CARMIL1: variants seen among roughly 807,000 people sequenced by gnomAD.
CARMIL1 encodes capping protein regulator and myosin 1 linker 1, also known as F-actin-uncapping protein LRRC16A.
In CARMIL1, 90 loss-of-function variants were observed where a neutral mutation model predicts 177.1. The ratio of observed to expected loss-of-function variants is 0.51; its 90% CI spans 0.43 to 0.61. CARMIL1 has a LOEUF of 0.61. Ranked by LOEUF, CARMIL1 falls within the 20% of genes least tolerant of loss-of-function variation. CARMIL1 has a pLI of 0.00. For missense variants in CARMIL1, 1,380 were observed against 1,667.0 expected (o/e 0.83, Z 3.00); for synonymous variants, 577 against 606.2 (o/e 0.95, Z 0.71).
chr6:25,476,819 G>A (rs1036832644), intron 11 of CARMIL1, among the ~76,000 whole-genome samples: 1 of 152,174 alleles, frequency 6.6e-6, no homozygotes. Flanking sequence ...GCCTGGGCGC[G>A]GTGGCTCACG....
intron 2 of CARMIL1, among the ~76,000 whole-genome samples, chr6:25,315,128 C>A (rs1373228191): frequency 6.6e-6 from 1 of 150,606 alleles, no homozygotes; most frequent in Non-Finnish European, 1.5e-5. Context: ...TGAAGGCAGT[C>A]TTTAGGTGTC....
chr6:25,446,785 A>G (rs1798277884), intron 5 of CARMIL1, among the ~76,000 whole-genome samples: 1 of 152,132 alleles, frequency 6.6e-6, no homozygotes, highest in Non-Finnish European at 1.5e-5. Flanking sequence ...AAAATGAGAG[A>G]TGTGCGACTA....
chr6:25,309,829 G>T (rs1451510766), intron 2 of CARMIL1, among the ~76,000 whole-genome samples: 2 of 148,182 alleles, frequency 1.3e-5, no homozygotes, highest in Non-Finnish European at 3.0e-5. Context: ...GAATGCAATG[G>T]CACGATCTCG....
intron 2 of CARMIL1, among the ~76,000 whole-genome samples, chr6:25,293,692 C>T (rs1188970671): frequency 6.6e-6 from 1 of 151,930 alleles, no homozygotes; most frequent in Non-Finnish European, 1.5e-5. Flanking sequence ...CCTCTCCTTT[C>T]CCTTCCTTTC....
At chr6:25,485,526 C>G (rs1311820105) in intron 12 of CARMIL1, among the ~76,000 whole-genome samples, 2 of 152,178 alleles carry the variant, frequency 1.3e-5, no homozygotes, top group Non-Finnish European at 2.9e-5. Context: ...CCTCCACCTC[C>G]AGGGTTCAAG....
intron 31 of CARMIL1, among the ~76,000 whole-genome samples, chr6:25,583,826 C>CCCG (rs1250853579): frequency 6.6e-6 from 1 of 151,554 alleles, no homozygotes; most frequent in African/African-American, 2.4e-5. Flanking sequence ...AGACAACCCC[C>CCCG]CCCACCCGCC....
chr6:25,451,918 C>A, intron 8 of CARMIL1: 1 of 580,242 alleles, frequency 1.7e-6, no homozygotes, highest in Non-Finnish European at 3.1e-6. Flanking sequence ...ATCATTTGTG[C>A]CATTTGGACA....
intron 29 of CARMIL1, chr6:25,563,885 C>T (rs915149764): frequency 4.1e-6 from 4 of 985,064 alleles, no homozygotes; most frequent in Admixed American, 6.2e-5. Flanking sequence ...TAAATTCATA[C>T]AGGTTACATC....
intron 2 of CARMIL1, among the ~76,000 whole-genome samples, chr6:25,309,470 A>G (rs1340147895): frequency 1.4e-5 from 2 of 142,942 alleles, no homozygotes; most frequent in Non-Finnish European, 3.0e-5. Flanking sequence ...ACCAGAATCA[A>G]TTTTGAGCCT....
intron 2 of CARMIL1, among the ~76,000 whole-genome samples, chr6:25,322,835 A>C (rs889275233): frequency 3.6e-4 from 55 of 152,278 alleles, no homozygotes; most frequent in African/African-American, 1.3e-3. Context: ...CACAGGACTG[A>C]TTCAAGTGTG....
intron 2 of CARMIL1, among the ~76,000 whole-genome samples, chr6:25,340,777 G>GTTTTTTTTTTTTTTTTTTT (rs34928775): frequency 4.6e-5 from 4 of 86,158 alleles, no homozygotes; most frequent in Non-Finnish European, 4.6e-5. Flanking sequence ...GTCAATGAAG[G>GTTTTTTTTTTTTTTTTTTT]TTTTTTTTTT....
intron 23 of CARMIL1, among the ~76,000 whole-genome samples, chr6:25,526,291 C>T (rs1340723259): frequency 2.0e-5 from 3 of 151,474 alleles, no homozygotes; most frequent in Non-Finnish European, 2.9e-5. Context: ...TGCAGTGAGC[C>T]GAGATTGCGC....
intron 29 of CARMIL1, among the ~76,000 whole-genome samples, chr6:25,569,600 C>T (rs1004273102): frequency 3.9e-5 from 6 of 152,118 alleles, no homozygotes; most frequent in South Asian, 2.1e-4. Flanking sequence ...TATATTTAAC[C>T]TGGTTTTTGT....
At chr6:25,544,259 A>G (rs1402355508) in intron 26 of CARMIL1, among the ~76,000 whole-genome samples, 1 of 152,126 alleles carries the variant, frequency 6.6e-6, no homozygotes, top group Non-Finnish European at 1.5e-5. Flanking sequence ...TGATGCAGGA[A>G]GCCCAGTGAA....
At chr6:25,478,795 T>TG (rs889989325) in intron 11 of CARMIL1, among the ~76,000 whole-genome samples, 1 of 146,482 alleles carries the variant, frequency 6.8e-6, no homozygotes, top group Non-Finnish European at 1.5e-5. Context: ...GACTCCATCT[T>TG]GGGGAAAAAA....
intron 28 of CARMIL1, among the ~76,000 whole-genome samples, chr6:25,556,021 G>A (rs214050): frequency 0.82 from 124,433 of 152,126 alleles, 51,254 homozygotes; most frequent in East Asian, 0.95. Context: ...AGGAAATACT[G>A]TCTTCAAAAT....
rs1477339182 is a variant in CARMIL1 at position 25,459,272 on chromosome 6, T to TCTTTCTTTCTTTCTTTC, written c.615-6601_615-6600insCTTTCTTTCTTTCTTTC. The stretch of plus-strand genomic sequence containing the variant: ...TTTCTTTCTTTCTTTCTTTCTTTTT[T>TCTTTCTTTCTTTCTTTC]TTTTTTTTAAGACAGGGTCTTGCTG... On this transcript the variant is annotated intron_variant, in intron 8 of 36. Coordinates refer to ENST00000329474, the MANE Select transcript of CARMIL1 (RefSeq NM_017640.6). Among the ~76,000 whole-genome samples, 24 of 134,966 alleles carry TCTTTCTTTCTTTCTTTC rather than the reference T, an allele frequency of 1.8e-4. 1 individual carries two copies. Among genetic ancestry groups the TCTTTCTTTCTTTCTTTC allele is most frequent in the Middle Eastern group, 3.6e-3 (1 of 274 alleles). The allele number at this position is 134,966 out of a possible 152,430, so 88.5% of individuals were successfully genotyped here.
rs1258643544 is a variant in CARMIL1 at position 25,482,272 on chromosome 6, G to C, written c.890G>C (p.Ser297Thr). 6.3e-7 allele frequency: 1 copy of C among 1,578,582 alleles called. No individual in the cohort carries two copies. ...CCTTTCTCAGGTGTGTCCTCTTTAA[G>C]TATTCAATTTGCCAAACTCCCAAAG... Reference protein sequence around the residue: ...PLEDRGVSSLSIQFAKLPKGL... With the variant: ...PLEDRGVSSLTIQFAKLPKGL... Residue 297 changes from serine to threonine, a missense_variant, in exon 12 of 37, where the codon AGT (serine) becomes ACT (threonine). Ser to Thr is a moderately conservative substitution (Grantham distance 58). Transcript: ENST00000329474.
In CARMIL1 at chr6:25,491,822, T is replaced by A. The variant is rs960666159; in HGVS notation, c.1143+13T>A. On this transcript the variant is annotated intron_variant, in intron 14 of 36. Transcript: ENST00000329474. Reference sequence around the variant, plus strand: ...TTCCCTGGACATGGTAAATTTAAAATATATATATATCTTGCTCTGAGGGGT... The same window carrying A: ...TTCCCTGGACATGGTAAATTTAAAAAATATATATATCTTGCTCTGAGGGGT... 8 of 1,548,416 alleles carry A rather than the reference T, an allele frequency of 5.2e-6. No individual in the cohort carries two copies. The highest frequency in any genetic ancestry group is 1.8e-5 in the Admixed American group (1 of 55,452).
Sources: gnomAD v4.1 joint callset for allele counts (sites outside exome capture counted in the v4.1 genomes callset) on GRCh38, gnomAD v4.1.1 for gene constraint, MANE v1.5 for transcripts, NCBI Gene and HGNC (gene_info 2026-07-23, HGNC 2026-07-21) for gene names.